Variants in WDFY3 observed in about 807,000 individuals in gnomAD.
WDFY3 encodes WD repeat and FYVE domain-containing protein 3.
A neutral mutation model predicts 409.6 loss-of-function variants in WDFY3; 66 were observed. The ratio of observed to expected loss-of-function variants is 0.16; its 90% CI spans 0.13 to 0.20. The LOEUF is 0.20. Among genes scored for constraint, WDFY3 ranks in the 10% least tolerant of loss-of-function variants. WDFY3 has a pLI of 1.00. For missense variants in WDFY3, 3,031 were observed against 4,298.1 expected, an observed-to-expected ratio of 0.71 and a Z score of 8.24; for synonymous variants, 1,521 against 1,537.1, an observed-to-expected ratio of 0.99 and a Z score of 0.25.
chr4:84,704,319 C>A lies in WDFY3; in HGVS notation c.8442+19G>T, dbSNP rs1423431475. On this transcript the variant is annotated intron_variant, in intron 55 of 67. Transcript: ENST00000295888. ...GTAGGCTTGTATAAAATAGAAAAAC[C>A]CCAAATTTAAAGTTTTACCTGTAGC... The A allele has an allele frequency of 6.5e-7, 1 of 1,547,496 alleles. No individual in the cohort carries two copies. Among genetic ancestry groups the A allele is most frequent in the Non-Finnish European group, 8.8e-7 (1 of 1,141,024 alleles).
chr4:84,795,168 TA>T (rs2149581491), intron 19 of WDFY3, among the ~76,000 whole-genome samples, 189 bp from the exon 20 acceptor site: 1 of 152,230 alleles, frequency 6.6e-6, no homozygotes, highest in Non-Finnish European at 1.5e-5. Flanking sequence ...GACATAATTT[TA>T]AAATCTCCCA....
chr4:84,929,149 G>C (rs1344140988), intron 2 of WDFY3, among the ~76,000 whole-genome samples: 1 of 152,178 alleles, frequency 6.6e-6, no homozygotes, highest in Non-Finnish European at 1.5e-5. Flanking sequence ...CTACAGTAAA[G>C]GCTCAAGTGG....
At chr4:84,913,746 A>G (rs1313120853) in intron 2 of WDFY3, among the ~76,000 whole-genome samples, 3 of 151,348 alleles carry the variant, frequency 2.0e-5, no homozygotes, top group African/African-American at 4.9e-5. Context: ...ATTTTTAGAG[A>G]AATAAAGCAA....
chr4:84,732,293 T>C (rs1240307203), intron 44 of WDFY3, among the ~76,000 whole-genome samples: 2 of 152,212 alleles, frequency 1.3e-5, no homozygotes, highest in Non-Finnish European at 2.9e-5. Flanking sequence ...TAATTGTTTA[T>C]GGTGTACAAA....
Position 84,820,155 on chromosome 4 carries a change from G to A in WDFY3, c.1623C>T (p.Asp541=). The change falls in exon 12 of 68, where the codon GAC becomes GAT. Residue 541 remains aspartate, a synonymous_variant. Transcript: ENST00000295888. Reference sequence around the variant, plus strand: ...TAACCAATAAAGCCAGGTGTTTTTGGTCTTCAACTGAACTATTATTTCTTG... The same window carrying A: ...TAACCAATAAAGCCAGGTGTTTTTGATCTTCAACTGAACTATTATTTCTTG... ...GDSRNNSSVE[D]QKHLALLVME... is the part of the protein sequence containing the mutation. 1.2e-6 allele frequency: 2 copies of A among 1,609,134 alleles called. No individual in the cohort carries two copies. Among genetic ancestry groups the A allele is most frequent in the Non-Finnish European group, 8.5e-7 (1 of 1,177,082 alleles).
chr4:84,707,093 C>T (rs377100254), intron 53 of WDFY3, among the ~76,000 whole-genome samples: 12 of 151,884 alleles, frequency 7.9e-5, no homozygotes, highest in African/African-American at 2.9e-4. Flanking sequence ...TGCATGCCAC[C>T]ATGCCTGGCT....
chr4:84,904,271 G>A (rs972351835), intron 2 of WDFY3, among the ~76,000 whole-genome samples: 4 of 151,922 alleles, frequency 2.6e-5, no homozygotes, highest in African/African-American at 7.3e-5. Context: ...ACGGAGTTTC[G>A]CTCTTGTTGC....
intron 51 of WDFY3, 125 bp from the exon 52 acceptor site, chr4:84,709,472 G>A: frequency 1.4e-6 from 1 of 709,304 alleles, no homozygotes; most frequent in East Asian, 2.8e-5. Context: ...TCTATTAGTG[G>A]GTCATAAAAT....
intron 39 of WDFY3, 26 bp downstream of exon 39, chr4:84,740,161 T>A (rs201099426): frequency 1.2e-6 from 2 of 1,610,744 alleles, no homozygotes; most frequent in South Asian, 1.1e-5. Flanking sequence ...AAATTTAACA[T>A]GGCAAACTGA....
chr4:84,813,357 C>T (rs551427950), intron 13 of WDFY3, among the ~76,000 whole-genome samples: 10 of 152,154 alleles, frequency 6.6e-5, no homozygotes, highest in South Asian at 2.1e-4. Flanking sequence ...AGTTGTTAAA[C>T]GTACAATCAT....
chr4:84,721,325 T>C, intron 47 of WDFY3, 84 bp downstream of exon 47: 3 of 1,539,232 alleles, frequency 1.9e-6, no homozygotes, highest in Non-Finnish European at 2.6e-6. Context: ...GCATTTACTT[T>C]CCACAGCTAC....
chr4:84,780,003 G>A, intron 26 of WDFY3, 105 bp downstream of exon 26: 1 of 1,247,422 alleles, frequency 8.0e-7, no homozygotes, highest in Non-Finnish European at 1.1e-6. Context: ...AAGTTTCCTT[G>A]GACAATATAA....
chr4:84,853,278 C>T (rs1051700227), intron 4 of WDFY3, among the ~76,000 whole-genome samples: 1 of 152,180 alleles, frequency 6.6e-6, no homozygotes, highest in Non-Finnish European at 1.5e-5. Flanking sequence ...TCAAGTGATT[C>T]TCCTGCCTCA....
chr4:84,700,274 G>A (rs954892491), intron 56 of WDFY3, among the ~76,000 whole-genome samples: 2 of 152,128 alleles, frequency 1.3e-5, no homozygotes, highest in African/African-American at 4.8e-5. Flanking sequence ...GCACGAACAC[G>A]GCTCACTGCA....
chr4:84,733,631 C>A, intron 43 of WDFY3, 22 bp from the exon 44 acceptor site: 1 of 1,583,412 alleles, frequency 6.3e-7, no homozygotes, highest in South Asian at 1.1e-5. Context: ...GAGTCCAGGT[C>A]GGTTTTCAAG....
At chr4:84,878,266 G>A (rs1763045862) in intron 3 of WDFY3, among the ~76,000 whole-genome samples, 1 of 152,020 alleles carries the variant, frequency 6.6e-6, no homozygotes, top group African/African-American at 2.4e-5. Flanking sequence ...AACATACTGA[G>A]GACAAGGAAC....
chr4:84,843,405 A>G (rs181541599), intron 5 of WDFY3, among the ~76,000 whole-genome samples: 1 of 152,062 alleles, frequency 6.6e-6, no homozygotes, highest in Admixed American at 6.6e-5. Context: ...CCCACTTTTT[A>G]TTTTATTATT....
At chr4:84,716,311 C>T (rs972402893) in intron 49 of WDFY3, among the ~76,000 whole-genome samples, 32 of 151,270 alleles carry the variant, frequency 2.1e-4, no homozygotes, top group Admixed American at 6.6e-4. Context: ...TGGTGGCAGG[C>T]GCCTCTAGTC....
Position 84,841,238 on chromosome 4 carries a change from C to T in WDFY3, c.330G>A (p.Gln110=). ...STEAASRAIV[Q]FLEINQSEEA... is the part of the protein sequence containing the mutation. ...CTTCACTCTGATTAATCTCTAGGAA[C>T]TGAACTATGGCCCGACTTGCAGCCT... The change falls in exon 6 of 68, where the codon CAG becomes CAA. Residue 110 remains glutamine (Q), a synonymous_variant. Transcript: ENST00000295888. 6.2e-7 allele frequency: 1 copy of T among 1,612,354 alleles called. No homozygotes were observed.
Sources: gnomAD v4.1 joint callset for allele counts (sites outside exome capture counted in the v4.1 genomes callset) on GRCh38, gnomAD v4.1.1 for gene constraint, MANE v1.5 for transcripts, NCBI Gene and HGNC (gene_info 2026-07-23, HGNC 2026-07-21) for gene names.